The following MBTPS2 variants were observed in gnomAD, a reference collection of about 807,000 sequenced individuals.
The protein encoded by MBTPS2 is membrane bound transcription factor peptidase, site 2.
A neutral mutation model predicts 35.4 loss-of-function variants in MBTPS2; 2 were observed. That is an observed-to-expected ratio of 0.06 (90% CI 0.02 to 0.18). The LOEUF (loss-of-function observed/expected upper bound fraction) is 0.18. Ranked by LOEUF, MBTPS2 falls within the 10% of genes least tolerant of loss-of-function variation. The pLI, the probability that MBTPS2 is intolerant of heterozygous loss-of-function variation, is 1.00. For missense variants in MBTPS2, 244 were observed against 386.5 expected (o/e 0.63, Z 3.09); for synonymous variants, 125 against 140.4 (o/e 0.89, Z 0.77).
intron 1 of MBTPS2, among the ~76,000 whole-genome samples, chrX:21,840,081 G>A (rs2092901063): frequency 8.9e-6 from 1 of 112,270 alleles, no homozygotes; most frequent in African/African-American, 3.2e-5. Flanking sequence ...GGGATCGGGA[G>A]GGCCGGGGCC....
intron 5 of MBTPS2, among the ~76,000 whole-genome samples, chrX:21,862,891 TATATATAAAC>T (rs1353797969): frequency 3.3e-4 from 25 of 76,336 alleles, no homozygotes; most frequent in African/African-American, 1.0e-3. Context: ...TATATACACA[TATATATAAAC>T]ATATATAAAT....
intron 5 of MBTPS2, among the ~76,000 whole-genome samples, chrX:21,853,838 A>G (rs2092917396): frequency 9.0e-6 from 1 of 111,693 alleles, no homozygotes; most frequent in African/African-American, 3.3e-5. Context: ...TGAAGAATTG[A>G]CTAAGAGATA....
intron 9 of MBTPS2, among the ~76,000 whole-genome samples, chrX:21,879,370 C>T (rs2147454074): frequency 9.0e-6 from 1 of 111,204 alleles, no homozygotes; most frequent in Non-Finnish European, 1.9e-5. Context: ...AACCTCCACA[C>T]CTCGGGCTCA....
chrX:21,868,426 G>GC, intron 5 of MBTPS2, 41 bp from the exon 6 acceptor site: 1 of 833,312 alleles, frequency 1.2e-6, no homozygotes, highest in East Asian at 3.1e-5. Context: ...TATCATTCCT[G>GC]CCCCCGGTTG....
intron 3 of MBTPS2, among the ~76,000 whole-genome samples, chrX:21,845,769 A>T (rs1382292656): frequency 8.9e-6 from 1 of 112,478 alleles, no homozygotes; most frequent in Non-Finnish European, 1.9e-5. Context: ...TTTCCTTTTC[A>T]TGGCCTTCAG....
At chrX:21,873,181 T>G (rs1045352918) in intron 7 of MBTPS2, 58 of 111,972 alleles carry the variant, frequency 5.2e-4, no homozygotes, top group African/African-American at 1.8e-3. Flanking sequence ...AGATTTAAAC[T>G]CTTTGAAGGT....
At chrX:21,843,099 G>T in intron 1 of MBTPS2, 71 bp from the exon 2 acceptor site, 1 of 852,451 alleles carries the variant, frequency 1.2e-6, no homozygotes, top group East Asian at 3.1e-5. Context: ...AAAATACTTT[G>T]TGTTATTTTC....
intron 1 of MBTPS2, 102 bp from the exon 2 acceptor site, chrX:21,843,068 C>T (rs1016343933): frequency 1.5e-6 from 1 of 665,927 alleles, no homozygotes; most frequent in Admixed American, 2.4e-5. Context: ...TTTGGGAAGT[C>T]AGCATCTTAA....
chrX:21,856,417 C>A (rs915936271), intron 5 of MBTPS2: 1 of 1,123,541 alleles, frequency 8.9e-7, no homozygotes, highest in African/African-American at 1.8e-5. Context: ...GCAGCTCCCA[C>A]CTCACTCCCC....
At chrX:21,864,793 A>T (rs1487350863) in intron 5 of MBTPS2, among the ~76,000 whole-genome samples, 1 of 111,167 alleles carries the variant, frequency 9.0e-6, no homozygotes, top group Non-Finnish European at 1.9e-5. Flanking sequence ...ACTGCACTCC[A>T]GCTGGATGAC....
chrX:21,867,788 G>A (rs940683518), intron 5 of MBTPS2, among the ~76,000 whole-genome samples: 1 of 109,870 alleles, frequency 9.1e-6, no homozygotes, highest in Non-Finnish European at 1.9e-5. Flanking sequence ...ACAGACGCGC[G>A]CCACCATGCC....
At chrX:21,858,929 G>A (rs1442183289) in intron 5 of MBTPS2, among the ~76,000 whole-genome samples, 3 of 104,009 alleles carry the variant, frequency 2.9e-5, no homozygotes, top group Non-Finnish European at 5.9e-5. Context: ...CAGAGGGGCT[G>A]GGCGCAGGGC....
chrX:21,853,235 A>AT, intron 4 of MBTPS2, 141 bp from the exon 5 acceptor site: 4 of 401,546 alleles, frequency 1.0e-5, no homozygotes, highest in East Asian at 4.5e-5. Flanking sequence ...TATAGATATA[A>AT]TTTTTTTGGC....
chrX:21,851,428 G>T, intron 3 of MBTPS2, 81 bp from the exon 4 acceptor site: 1 of 590,201 alleles, frequency 1.7e-6, no homozygotes, highest in South Asian at 2.2e-5. Context: ...AATACAGAAT[G>T]AACATCATGT....
chrX:21,844,722 A>T (rs2092906673), intron 2 of MBTPS2, among the ~76,000 whole-genome samples: 1 of 103,105 alleles, frequency 9.7e-6, no homozygotes, highest in African/African-American at 3.3e-5. Flanking sequence ...AATTAAAACA[A>T]TAGAAAAAAG....
intron 7 of MBTPS2, chrX:21,873,133 C>G (rs1441206722): frequency 1.8e-5 from 2 of 111,930 alleles, no homozygotes; most frequent in East Asian, 2.8e-4. Context: ...TATCTCTAGC[C>G]TCTTATTTCA....
At chrX:21,877,220 T>G (rs2092954109) in intron 7 of MBTPS2, among the ~76,000 whole-genome samples, 1 of 111,735 alleles carries the variant, frequency 8.9e-6, no homozygotes, top group Non-Finnish European at 1.9e-5. Flanking sequence ...GGTGGGCAGA[T>G]CACTTGAGGT....
rs772623476 is a variant in MBTPS2 at position 21,883,407 on chromosome X, T to C, written c.*752T>C. The C allele has an allele frequency of 1.3e-6, 1 of 752,910 alleles. No individual in the cohort carries two copies. Among genetic ancestry groups the C allele is most frequent in the African/African-American group, 2.3e-5 (1 of 43,102 alleles). 62.0% of individuals were successfully genotyped at this position (752,910 alleles called of 1,213,427 possible). A position where few individuals can be genotyped will look rare whatever the true frequency, so the allele number is the denominator to read the frequency against. Reference sequence around the variant, plus strand: ...CAGGAAGCATCACACACCAGCAGCATGTGAGCAGAGGGAGGCAGTTGGGGT... The same window carrying C: ...CAGGAAGCATCACACACCAGCAGCACGTGAGCAGAGGGAGGCAGTTGGGGT... On this transcript the variant is annotated 3_prime_UTR_variant, in exon 11 of 11. Coordinates refer to ENST00000379484, the MANE Select transcript of MBTPS2 (RefSeq NM_015884.4).
chrX:21,868,596 G>C lies in MBTPS2; in HGVS notation c.789+11G>C. ...ACTGAAGTTGCTGAGGTAAATAATG[G>C]ATTACTCAGGGCATTCTTTCATCAG... is the stretch of plus-strand genomic sequence containing the variant. On this transcript the variant is annotated intron_variant, in intron 6 of 10. Coordinates refer to ENST00000379484, the MANE Select transcript of MBTPS2 (RefSeq NM_015884.4). The C allele has an allele frequency of 9.3e-7, 1 of 1,074,097 alleles. No individual in the cohort carries two copies. Among genetic ancestry groups the C allele is most frequent in the Non-Finnish European group, 1.3e-6 (1 of 769,950 alleles). The allele number at this position is 1,074,097 out of a possible 1,213,427, so 88.5% of individuals were successfully genotyped here. A position where few individuals can be genotyped will look rare whatever the true frequency, so the allele number is the denominator to read the frequency against.
Sources: gnomAD v4.1 joint callset for allele counts (sites outside exome capture counted in the v4.1 genomes callset) on GRCh38, gnomAD v4.1.1 for gene constraint, MANE v1.5 for transcripts, NCBI Gene and HGNC (gene_info 2026-07-23, HGNC 2026-07-21) for gene names.